The following HMCN1 variants were observed in gnomAD, a reference collection of about 807,000 sequenced individuals.
HMCN1 encodes hemicentin-1.
HMCN1 carries 321 observed loss-of-function variants against 625.9 expected under a neutral mutation model. The ratio of observed to expected loss-of-function variants is 0.51; its 90% CI spans 0.47 to 0.56. HMCN1 has a LOEUF of 0.56. Ranked by LOEUF, HMCN1 falls within the 20% of genes least tolerant of loss-of-function variation. The probability of loss-of-function intolerance (pLI) is 0.00; values close to 1 mark genes in which losing one functional copy is unlikely to be tolerated. For missense variants in HMCN1, 6,588 were observed against 6,887.3 expected (o/e 0.96, Z 1.54); for synonymous variants, 2,425 against 2,417.6 (o/e 1.00, Z -0.09).
intron 52 of HMCN1, 50 bp downstream of exon 52, chr1:186,070,807 G>T (rs748855038): frequency 6.4e-6 from 10 of 1,567,784 alleles, no homozygotes; most frequent in Non-Finnish European, 8.8e-6. Flanking sequence ...AGACTAAAAT[G>T]GTCAATTGAA....
intron 93 of HMCN1, among the ~76,000 whole-genome samples, chr1:186,149,788 T>C (rs564849782): frequency 5.5e-4 from 84 of 152,254 alleles, no homozygotes; most frequent in Admixed American, 1.6e-3. Context: ...GGGTGAATAA[T>C]TGGCCTAGTT....
At chr1:185,995,207 T>C (rs1652704899) in intron 24 of HMCN1, 120 bp downstream of exon 24, 4 of 885,778 alleles carry the variant, frequency 4.5e-6, no homozygotes, top group Admixed American at 4.1e-5. Flanking sequence ...TATATAACTT[T>C]TGTGACTCTT....
At chr1:185,822,800 T>TC (rs1660270062) in intron 1 of HMCN1, among the ~76,000 whole-genome samples, 1 of 152,184 alleles carries the variant, frequency 6.6e-6, no homozygotes, top group Admixed American at 6.5e-5. Context: ...ATAGTGTTTT[T>TC]CTCAGGAAAA....
At chr1:185,743,339 T>C (rs910989858) in intron 1 of HMCN1, among the ~76,000 whole-genome samples, 3 of 152,264 alleles carry the variant, frequency 2.0e-5, no homozygotes, top group Non-Finnish European at 4.4e-5. Flanking sequence ...TTGCTAATTG[T>C]GCCTTTTTGG....
chr1:186,131,969 ATATC>A (rs1173948123), intron 85 of HMCN1, among the ~76,000 whole-genome samples: 2 of 152,178 alleles, frequency 1.3e-5, no homozygotes, highest in Non-Finnish European at 2.9e-5. Flanking sequence ...GCTTTTTAAG[ATATC>A]TATAAGTATA....
At chr1:185,847,720 A>G (rs1200667898) in intron 2 of HMCN1, among the ~76,000 whole-genome samples, 1 of 152,106 alleles carries the variant, frequency 6.6e-6, no homozygotes, top group Non-Finnish European at 1.5e-5. Context: ...TGGGAGGCAA[A>G]GGCAGGAGGA....
At chr1:185,979,303 T>C (rs974619591) in intron 16 of HMCN1, among the ~76,000 whole-genome samples, 8 of 152,138 alleles carry the variant, frequency 5.3e-5, no homozygotes. Flanking sequence ...ATGAAAGTAC[T>C]GTTTCAGAAC....
chr1:185,970,124 G>T (rs1429347925), intron 14 of HMCN1, among the ~76,000 whole-genome samples: 1 of 152,070 alleles, frequency 6.6e-6, no homozygotes, highest in East Asian at 1.9e-4. Flanking sequence ...TTTTTATTTA[G>T]TTACACATAC....
intron 104 of HMCN1, among the ~76,000 whole-genome samples, chr1:186,180,363 C>A (rs1464539621): frequency 3.3e-5 from 5 of 152,116 alleles, no homozygotes; most frequent in African/African-American, 7.2e-5. Flanking sequence ...GGTTACCATC[C>A]CATTCTCAAC....
At chr1:185,943,648 C>T (rs962021596) in intron 11 of HMCN1, among the ~76,000 whole-genome samples, 2 of 152,192 alleles carry the variant, frequency 1.3e-5, no homozygotes, top group Admixed American at 1.3e-4. Context: ...ATGTGTTCAA[C>T]AGCCCAGAAG....
At chr1:186,157,832 G>A (rs1280299814) in intron 97 of HMCN1, among the ~76,000 whole-genome samples, 12 of 152,048 alleles carry the variant, frequency 7.9e-5, no homozygotes, top group Non-Finnish European at 1.8e-4. Context: ...TCTTAATCCA[G>A]TCTATCATTG....
chr1:185,933,807 T>A lies in HMCN1; in HGVS notation c.1811T>A (p.Val604Asp). 1 of 1,613,782 alleles carries A rather than the reference T, an allele frequency of 6.2e-7. No individual in the cohort carries two copies. The highest frequency in any genetic ancestry group is 8.5e-7 in the Non-Finnish European group (1 of 1,179,778). ...GAAGGTGGATCATCAGCCGCTTCAG[T>A]TTTCCTCACAGTGCAAGGTACAGTG... Reference protein sequence around the residue: ...SSEGGSSAASVFLTVQEPPKV... With the variant: ...SSEGGSSAASDFLTVQEPPKV... Residue 604 changes from valine to aspartate, a missense_variant, in exon 11 of 107, where the codon GTT becomes GAT. This residue lies in a region of HMCN1 where 4,628 missense variants were observed against 4,853.1 expected (regional missense o/e 0.95). Transcript: ENST00000271588.
intron 55 of HMCN1, among the ~76,000 whole-genome samples, chr1:186,078,942 G>A (rs1303870042): frequency 1.3e-5 from 2 of 152,216 alleles, no homozygotes; most frequent in South Asian, 2.1e-4. Context: ...ACAAGGAAAA[G>A]AGATGAGATG....
chr1:186,024,000 G>A (rs1011418770), intron 36 of HMCN1, among the ~76,000 whole-genome samples: 3 of 152,020 alleles, frequency 2.0e-5, no homozygotes, highest in South Asian at 2.1e-4. Flanking sequence ...TTGCTTCTTC[G>A]TACATTTTCT....
At chr1:185,735,664 T>C (rs543107657) in intron 1 of HMCN1, among the ~76,000 whole-genome samples, 1 of 152,358 alleles carries the variant, frequency 6.6e-6, no homozygotes, top group South Asian at 2.1e-4. Flanking sequence ...TCTCCTGCGG[T>C]AGAATTGCTT....
At chr1:186,131,408 C>T (rs899384107) in intron 85 of HMCN1, among the ~76,000 whole-genome samples, 2 of 152,044 alleles carry the variant, frequency 1.3e-5, no homozygotes, top group African/African-American at 4.8e-5. Flanking sequence ...ACCACTTTTC[C>T]CTTTTCCTCT....
At chr1:185,937,135 GA>G (rs1375187824) in intron 11 of HMCN1, among the ~76,000 whole-genome samples, 1 of 152,180 alleles carries the variant, frequency 6.6e-6, no homozygotes, top group Admixed American at 6.5e-5. Flanking sequence ...GAGACTAGGG[GA>G]AAAAATATTT....
intron 36 of HMCN1, among the ~76,000 whole-genome samples, chr1:186,036,157 C>CCTT (rs1254152897): frequency 6.6e-6 from 1 of 152,038 alleles, no homozygotes; most frequent in Non-Finnish European, 1.5e-5. Flanking sequence ...TTGTCCTTCT[C>CCTT]CTTATTGTAA....
At chr1:185,905,474 A>G (rs1377377153) in intron 4 of HMCN1, among the ~76,000 whole-genome samples, 2 of 151,738 alleles carry the variant, frequency 1.3e-5, no homozygotes, top group Non-Finnish European at 3.0e-5. Context: ...TGAACACCTC[A>G]CCATACTTCC....
Sources: allele counts gnomAD v4.1 joint callset (sites outside exome capture counted in the v4.1 genomes callset), GRCh38; gene constraint gnomAD v4.1.1; regional missense constraint gnomAD v4.1.1; transcripts MANE v1.5; gene names NCBI Gene and HGNC (gene_info 2026-07-23, HGNC 2026-07-21).